The following RPH3A variants were observed in gnomAD, a reference collection of about 807,000 sequenced individuals.
The protein encoded by RPH3A is rabphilin 3A, also known as rabphilin-3A.
RPH3A carries 48 observed loss-of-function variants against 102.2 expected under a neutral mutation model. That is an observed-to-expected ratio of 0.47 (90% CI 0.37 to 0.60). The LOEUF is 0.60. Ranked by LOEUF, RPH3A falls within the 20% of genes least tolerant of loss-of-function variation. RPH3A has a pLI of 0.00. For missense variants in RPH3A, 781 were observed against 910.1 expected, an observed-to-expected ratio of 0.86 and a Z score of 1.83; for synonymous variants, 310 against 324.3, an observed-to-expected ratio of 0.96 and a Z score of 0.47.
intron 15 of RPH3A, among the ~76,000 whole-genome samples, chr12:112,882,788 C>T (rs2042936595): frequency 6.6e-6 from 1 of 152,128 alleles, no homozygotes; most frequent in Non-Finnish European, 1.5e-5. Flanking sequence ...GAATCATTTG[C>T]ATGTTAGCAT....
intron 1 of RPH3A, among the ~76,000 whole-genome samples, chr12:112,630,148 C>T (rs947387302): frequency 6.6e-6 from 1 of 152,000 alleles, no homozygotes; most frequent in Non-Finnish European, 1.5e-5. Flanking sequence ...ATCCACCCAC[C>T]CACCCATCCA....
intron 1 of RPH3A, among the ~76,000 whole-genome samples, chr12:112,667,694 GAGAGA>G (rs2040096478): frequency 6.7e-6 from 1 of 150,000 alleles, no homozygotes; most frequent in African/African-American, 2.5e-5. Context: ...GAGAGAGAGA[GAGAGA>G]GAGAGAGAGA....
intron 1 of RPH3A, among the ~76,000 whole-genome samples, chr12:112,587,533 T>A (rs983833398): frequency 2.6e-5 from 4 of 152,192 alleles, no homozygotes; most frequent in Admixed American, 2.6e-4. Context: ...CCTGATAGGG[T>A]TTTGTGCTGG....
chr12:112,679,102 G>C (rs1339226462), intron 1 of RPH3A, among the ~76,000 whole-genome samples: 2 of 152,096 alleles, frequency 1.3e-5, no homozygotes, highest in Non-Finnish European at 2.9e-5. Flanking sequence ...GGAAGACAGA[G>C]TTTGTGGGAA....
intron 11 of RPH3A, 105 bp downstream of exon 11, chr12:112,875,275 G>A: frequency 2.3e-6 from 2 of 860,502 alleles, no homozygotes; most frequent in Non-Finnish European, 3.5e-6. Context: ...CTGCAAAGCT[G>A]CAGCCACAAC....
chr12:112,614,502 G>A (rs2039662559), intron 1 of RPH3A, among the ~76,000 whole-genome samples: 1 of 150,066 alleles, frequency 6.7e-6, no homozygotes, highest in Admixed American at 6.7e-5. Context: ...TGGACATCAC[G>A]GTGTAACCCT....
chr12:112,725,559 C>A (rs1295812740), intron 1 of RPH3A, among the ~76,000 whole-genome samples: 1 of 152,030 alleles, frequency 6.6e-6, no homozygotes, highest in East Asian at 1.9e-4. Flanking sequence ...CTCGATTAGC[C>A]GCTTGGGGGT....
chr12:112,612,636 C>A (rs1316000447), intron 1 of RPH3A, among the ~76,000 whole-genome samples: 1 of 148,180 alleles, frequency 6.7e-6, no homozygotes, highest in African/African-American at 2.5e-5. Flanking sequence ...GTGATCTCGG[C>A]TCCCTGCAAC....
intron 1 of RPH3A, among the ~76,000 whole-genome samples, chr12:112,621,426 C>T (rs1189563219): frequency 6.7e-6 from 1 of 148,936 alleles, no homozygotes; most frequent in Non-Finnish European, 1.5e-5. Flanking sequence ...GTTCCCTTTC[C>T]GAGTCAAAGA....
At chr12:112,741,945 A>T (rs1200450241) in intron 1 of RPH3A, among the ~76,000 whole-genome samples, 1 of 152,190 alleles carries the variant, frequency 6.6e-6, no homozygotes, top group Non-Finnish European at 1.5e-5. Flanking sequence ...TTTTGCACGT[A>T]CTAAACCTCT....
intron 2 of RPH3A, among the ~76,000 whole-genome samples, chr12:112,806,321 C>T (rs1386125936): frequency 2.0e-5 from 3 of 152,164 alleles, no homozygotes; most frequent in African/African-American, 7.2e-5. Flanking sequence ...GTGTGAAAAA[C>T]GTTTTAAGAA....
intron 5 of RPH3A, among the ~76,000 whole-genome samples, chr12:112,859,214 G>A (rs2042467277): frequency 6.6e-6 from 1 of 152,200 alleles, no homozygotes; most frequent in African/African-American, 2.4e-5. Flanking sequence ...CTCAGGATCT[G>A]AGAATCCGGA....
Position 112,713,051 on chromosome 12 carries a change from C to CTTCTTCTTCTTCTTCTTCTT in RPH3A, c.-139-79092_-139-79091insTTCTTCTTCTTCTTCTTCTT, listed in dbSNP as rs1555204011. Among the ~76,000 whole-genome samples, 19 of 85,872 alleles carry CTTCTTCTTCTTCTTCTTCTT rather than the reference C, an allele frequency of 2.2e-4. 1 individual carries two copies. The highest frequency in any genetic ancestry group is 2.0e-3 in the East Asian group (6 of 2,978). 56.3% of individuals were successfully genotyped at this position (85,872 alleles called of 152,430 possible). ...TTCTTCTTCTTCTTCTTCTTCTTCT[C>CTTCTTCTTCTTCTTCTTCTT]CTTCTTCTTCTTCTTCTTCTTCTTC... On this transcript the variant is annotated intron_variant, in intron 1 of 21. Coordinates refer to the RPH3A transcript ENST00000543106.
intron 1 of RPH3A, among the ~76,000 whole-genome samples, chr12:112,775,600 A>G (rs890651036): frequency 2.6e-5 from 4 of 152,232 alleles, no homozygotes; most frequent in African/African-American, 7.2e-5. Context: ...GGAAAAGAAT[A>G]TAACTTCTAA....
chr12:112,695,730 C>G (rs2040346318), intron 1 of RPH3A, among the ~76,000 whole-genome samples: 1 of 152,398 alleles, frequency 6.6e-6, no homozygotes, highest in South Asian at 2.1e-4. Flanking sequence ...GGAAGATTTG[C>G]TATGCACAGG....
chr12:112,769,018 AGCTTC>A (rs1368326812), intron 1 of RPH3A, among the ~76,000 whole-genome samples: 1 of 152,248 alleles, frequency 6.6e-6, no homozygotes, highest in Non-Finnish European at 1.5e-5. Context: ...GTTTAATGCC[AGCTTC>A]GTGTTCGTGT....
intron 1 of RPH3A, among the ~76,000 whole-genome samples, chr12:112,723,367 T>C (rs918265681): frequency 6.6e-6 from 1 of 152,100 alleles, no homozygotes; most frequent in African/African-American, 2.4e-5. Flanking sequence ...AAGAAAACCA[T>C]AAGGAAGAGA....
intron 10 of RPH3A, 134 bp downstream of exon 10, chr12:112,870,173 A>T (rs996430054): frequency 1.0e-5 from 9 of 872,184 alleles, no homozygotes; most frequent in African/African-American, 1.7e-5. Flanking sequence ...TCTATTCCAG[A>T]TACTGGTTTT....
intron 1 of RPH3A, among the ~76,000 whole-genome samples, chr12:112,626,765 T>C (rs2039769562): frequency 1.8e-5 from 1 of 56,912 alleles, no homozygotes; most frequent in Admixed American, 2.3e-4. Context: ...CACACGTATG[T>C]TTATTGCAGC....
Sources: allele counts gnomAD v4.1 joint callset (sites outside exome capture counted in the v4.1 genomes callset), GRCh38; gene constraint gnomAD v4.1.1; transcripts MANE v1.5; gene names NCBI Gene and HGNC (gene_info 2026-07-23, HGNC 2026-07-21).